The following PTPN14 variants were observed in gnomAD, a reference collection of about 807,000 sequenced individuals.
PTPN14 encodes the protein protein tyrosine phosphatase non-receptor type 14.
In PTPN14, 53 loss-of-function variants were observed where a neutral mutation model predicts 126.8. That is an observed-to-expected ratio of 0.42 (90% confidence interval 0.34 to 0.53). PTPN14 has a LOEUF of 0.53. Among genes scored for constraint, PTPN14 ranks in the 20% least tolerant of loss-of-function variants. The pLI is 0.08. For missense variants in PTPN14, 1,257 were observed against 1,552.9 expected, an observed-to-expected ratio of 0.81 and a Z score of 3.20; for synonymous variants, 630 against 599.3, an observed-to-expected ratio of 1.05 and a Z score of -0.75.
At chr1:214,435,231 G>C (rs1364344127) in intron 3 of PTPN14, among the ~76,000 whole-genome samples, 1 of 152,018 alleles carries the variant, frequency 6.6e-6, no homozygotes, top group African/African-American at 2.4e-5. Flanking sequence ...CAGTCCGGTA[G>C]TGTGTCTGCT....
chr1:214,512,366 T>TA (rs1276445238), intron 1 of PTPN14, among the ~76,000 whole-genome samples: 3 of 152,168 alleles, frequency 2.0e-5, no homozygotes, highest in African/African-American at 7.2e-5. Context: ...CATGTGGCCC[T>TA]ATAGGGTTTG....
At chr1:214,522,389 A>G (rs1184830544) in intron 1 of PTPN14, among the ~76,000 whole-genome samples, 2 of 152,232 alleles carry the variant, frequency 1.3e-5, no homozygotes, top group African/African-American at 4.8e-5. Context: ...CTTTGATTAA[A>G]TTAATATCTT....
intron 1 of PTPN14, chr1:214,530,673 T>C (rs541808011): frequency 6.6e-6 from 1 of 152,260 alleles, no homozygotes; most frequent in Admixed American, 6.5e-5. Flanking sequence ...TAGCCTCAAC[T>C]CTTCCAAAAT....
At chr1:214,473,586 AGAG>A (rs1182654076) in intron 1 of PTPN14, among the ~76,000 whole-genome samples, 2 of 152,218 alleles carry the variant, frequency 1.3e-5, no homozygotes, top group Non-Finnish European at 2.9e-5. Flanking sequence ...GACATCTCAC[AGAG>A]CTATGTAATC....
At chr1:214,485,038 C>T (rs148708420) in intron 1 of PTPN14, among the ~76,000 whole-genome samples, 16 of 152,306 alleles carry the variant, frequency 1.1e-4, no homozygotes, top group African/African-American at 3.6e-4. Context: ...CAACACCACA[C>T]TTGTCTTAGC....
chr1:214,549,614 T>C (rs193009704), intron 1 of PTPN14, among the ~76,000 whole-genome samples: 7 of 152,360 alleles, frequency 4.6e-5, no homozygotes, highest in African/African-American at 1.2e-4. Flanking sequence ...AGGTCCGTAA[T>C]GCTGCGGTAT....
intron 1 of PTPN14, among the ~76,000 whole-genome samples, chr1:214,549,851 T>G (rs1268629294): frequency 6.6e-6 from 1 of 152,174 alleles, no homozygotes; most frequent in South Asian, 2.1e-4. Context: ...TTCCCATAAG[T>G]GGCTAACGTG....
At chr1:214,419,300 T>C (rs958959264) in intron 3 of PTPN14, among the ~76,000 whole-genome samples, 3 of 152,172 alleles carry the variant, frequency 2.0e-5, no homozygotes, top group Non-Finnish European at 4.4e-5. Flanking sequence ...CCTGGTCTGC[T>C]CTTCCCTCCT....
intron 1 of PTPN14, among the ~76,000 whole-genome samples, chr1:214,522,383 GATTA>G (rs779218758): frequency 9.9e-5 from 15 of 152,170 alleles, no homozygotes; most frequent in Non-Finnish European, 2.2e-4. Context: ...AGTAAGCTTT[GATTA>G]AATTAATATC....
chr1:214,444,684 T>C (rs1660105312), intron 3 of PTPN14, among the ~76,000 whole-genome samples: 1 of 152,120 alleles, frequency 6.6e-6, no homozygotes, highest in Admixed American at 6.6e-5. Flanking sequence ...TGAAGAAAGC[T>C]ACTGTAAGGT....
At chr1:214,494,357 C>G (rs12561901) in intron 1 of PTPN14, among the ~76,000 whole-genome samples, 2 of 151,964 alleles carry the variant, frequency 1.3e-5, no homozygotes, top group Non-Finnish European at 2.9e-5. Context: ...CCACAGCACC[C>G]GGCCCCTCCT....
rs1199000693 is a variant in PTPN14, at chr1:214,520,062, A to AT, written c.-155+31120_-155+31121insA. ...AACCCTGTCTCAAAAAAAAAAAAAAAAAAATATATATATATATATATGCAG... is the reference window on the plus strand; with the variant it reads ...AACCCTGTCTCAAAAAAAAAAAAAAATAAAATATATATATATATATATGCAG... On this transcript the variant is annotated intron_variant, in intron 1 of 18. Transcript: ENST00000366956. Among the ~76,000 whole-genome samples, 121 of 109,858 alleles carry AT rather than the reference A, an allele frequency of 1.1e-3. 1 individual carries two copies. The highest frequency in any genetic ancestry group is 2.3e-3 in the African/African-American group (58 of 24,938). 72.1% of individuals were successfully genotyped at this position (109,858 alleles called of 152,430 possible). A position where few individuals can be genotyped will look rare whatever the true frequency, so the allele number is the denominator to read the frequency against.
intron 3 of PTPN14, among the ~76,000 whole-genome samples, chr1:214,445,430 C>G (rs1572004657): frequency 6.6e-6 from 1 of 152,006 alleles, no homozygotes; most frequent in Non-Finnish European, 1.5e-5. Context: ...AGGCAGGCTA[C>G]TAAGATGTCC....
chr1:214,533,263 T>C (rs1220711049), intron 1 of PTPN14: 2 of 615,886 alleles, frequency 3.2e-6, no homozygotes, highest in Non-Finnish European at 3.0e-6. Flanking sequence ...AGCCCAGGAG[T>C]GCGAGGCCCT....
chr1:214,384,109 C>G lies in PTPN14; in HGVS notation c.1746G>C (p.Leu582=). 6.4e-7 allele frequency: 1 copy of G among 1,572,440 alleles called. No homozygotes were observed. The highest frequency in any genetic ancestry group is 8.6e-7 in the Non-Finnish European group (1 of 1,162,038). ...RPRPATSTPD[L]ASHRHKYVSG... ...TGACGTACTTGTGGCGGTGGCTGGC[C>G]AGGTCTGGGGTGCTGGTGGCAGGTC... The change falls in exon 13 of 19, where the codon CTG becomes CTC. Residue 582 remains leucine, a synonymous_variant. Transcript: ENST00000366956. This position sits in a 1 kb window ranked among gnomAD's most constrained non-coding sequence, Gnocchi z 5.3.
chr1:214,494,608 T>C (rs1661320090), intron 1 of PTPN14, among the ~76,000 whole-genome samples: 1 of 152,226 alleles, frequency 6.6e-6, no homozygotes, highest in Non-Finnish European at 1.5e-5. Context: ...TCATCTAACA[T>C]TAAGCTCTTT....
chr1:214,473,757 C>A (rs546343228), intron 1 of PTPN14, among the ~76,000 whole-genome samples: 15 of 152,230 alleles, frequency 9.9e-5, no homozygotes, highest in African/African-American at 3.6e-4. Flanking sequence ...TAAAAGAATA[C>A]TAAAAATGTC....
intron 8 of PTPN14, 23 bp from the exon 9 acceptor site, chr1:214,395,009 T>C: frequency 1.3e-6 from 2 of 1,579,924 alleles, no homozygotes; most frequent in South Asian, 2.2e-5. Flanking sequence ...AATGTCACTG[T>C]GTTTACTCAA....
chr1:214,373,101 C>T (rs1013974932), intron 15 of PTPN14, among the ~76,000 whole-genome samples: 4 of 152,128 alleles, frequency 2.6e-5, no homozygotes, highest in African/African-American at 9.7e-5. Context: ...GCTGCTTAGG[C>T]GGGAGTACAG....
Sources: allele counts gnomAD v4.1 joint callset (sites outside exome capture counted in the v4.1 genomes callset), GRCh38; gene constraint gnomAD v4.1.1; non-coding constraint Gnocchi (gnomAD v3.1); transcripts MANE v1.5; gene names NCBI Gene and HGNC (gene_info 2026-07-23, HGNC 2026-07-21).